SEC24C: variants seen among roughly 807,000 people sequenced by gnomAD.
The protein encoded by SEC24C is SEC24 homolog C, COPII component, also known as protein transport protein Sec24C.
SEC24C carries 22 observed loss-of-function variants against 117.0 expected under a neutral mutation model. The ratio of observed to expected loss-of-function variants is 0.19; its 90% confidence interval spans 0.13 to 0.27. The LOEUF (loss-of-function observed/expected upper bound fraction) is 0.27, where lower values mean the gene tolerates loss of function less well. Among genes scored for constraint, SEC24C ranks in the 10% least tolerant of loss-of-function variants. The pLI, the probability that SEC24C is intolerant of heterozygous loss-of-function variation, is 1.00. For synonymous variants in SEC24C, 506 were observed against 529.4 expected (o/e 0.96, Z 0.61); for missense variants, 1,155 against 1,375.1 (o/e 0.84, Z 2.53).
At chr10:73,749,926 G>A (rs554495732) in intron 2 of SEC24C, among the ~76,000 whole-genome samples, 66 of 152,294 alleles carry the variant, frequency 4.3e-4, no homozygotes, top group Non-Finnish European at 8.8e-4. Flanking sequence ...GTAGATCTTT[G>A]CTTAGGCTAG....
chr10:73,751,228 C>T lies in SEC24C; in HGVS notation c.293C>T (p.Thr98Ile). The change falls in exon 3 of 23, where the codon ACT becomes ATT. Residue 98 changes from threonine (T) to isoleucine (I), a missense_variant. Physicochemically the swap from Thr to Ile is moderately conservative, Grantham distance 89 (BLOSUM62 -1). This residue lies in a region of SEC24C where 396 missense variants were observed against 382.8 expected (regional missense o/e 1.03). Coordinates refer to ENST00000345254, the MANE Select transcript of SEC24C (RefSeq NM_198597.3). ...GATGTACAGAATGGGCCAAGCTCCA[C>T]TGTTCAGATGCAAAGGTAGGTACTT... ...QGDVQNGPSS[T>I]VQMQRLPGSQ... The T allele has an allele frequency of 6.2e-7, 1 of 1,614,022 alleles. No homozygotes were observed. Among genetic ancestry groups the T allele is most frequent in the Non-Finnish European group, 8.5e-7 (1 of 1,179,926 alleles).
rs987303809 is a variant in SEC24C at position 73,766,001 on chromosome 10, T to G, written c.1483-85T>G. The G allele has an allele frequency of 5.7e-6, 9 of 1,590,582 alleles. No homozygotes were observed. In the Admixed American group the frequency reaches 1.2e-4, roughly 21 times the overall value. Reference sequence around the variant, plus strand: ...CTGTTATCATTTCCCTCACCCCTTTTTTGTCCCTTTTTGATGCTGACTTCT... The same window carrying G: ...CTGTTATCATTTCCCTCACCCCTTTGTTGTCCCTTTTTGATGCTGACTTCT... On this transcript the variant is annotated intron_variant, in intron 10 of 22. Transcript: ENST00000345254.
chr10:73,768,730 G>C, intron 15 of SEC24C, 80 bp from the exon 16 acceptor site: 1 of 1,313,576 alleles, frequency 7.6e-7, no homozygotes, highest in African/African-American at 1.4e-5. Context: ...GCCTTGTAGA[G>C]TGGAAGGGGT....
Position 73,771,462 on chromosome 10 carries a change from A to G in SEC24C, c.*367A>G, listed in dbSNP as rs1420440396. 1 of 217,970 alleles carries G rather than the reference A, an allele frequency of 4.6e-6. No individual in the cohort carries two copies. Among genetic ancestry groups the G allele is most frequent in the Non-Finnish European group, 9.3e-6 (1 of 107,854 alleles). The allele number at this position is 217,970 out of a possible 1,614,324, so 13.5% of individuals were successfully genotyped here. ...AAGAGGAGAGGGGCAGGCAGGAAAGAGTGGGGATCCTAAGGTTACTACAGG... is the reference window on the plus strand; with the variant it reads ...AAGAGGAGAGGGGCAGGCAGGAAAGGGTGGGGATCCTAAGGTTACTACAGG... On this transcript the variant is annotated 3_prime_UTR_variant, in exon 23 of 23. Transcript: ENST00000345254.
In SEC24C at chr10:73,760,251, C is replaced by A; in HGVS notation, c.715C>A (p.Pro239Thr). The change falls in exon 5 of 23, where the codon CCC becomes ACC. Residue 239 changes from proline to threonine, a missense_variant. By Grantham distance (38) the Pro-to-Thr change is conservative. Around this residue, in one of 2 missense-constraint regions of SEC24C, gnomAD observed 396 missense variants for 382.8 expected, o/e 1.03. Coordinates refer to ENST00000345254, the MANE Select transcript of SEC24C (RefSeq NM_198597.3). ...CCTGCCTGGACAGAGTTTTGGAGGG[C>A]CCTCAGTGAGCCAGCCCAACCATGT... Reference protein sequence around the residue: ...PLLPGQSFGGPSVSQPNHVSS... With the variant: ...PLLPGQSFGGTSVSQPNHVSS... The A allele has an allele frequency of 6.2e-7, 1 of 1,614,106 alleles. No individual in the cohort carries two copies. Among genetic ancestry groups the A allele is most frequent in the Non-Finnish European group, 8.5e-7 (1 of 1,180,022 alleles).
chr10:73,758,732 A>G (rs2082750435), intron 3 of SEC24C, among the ~76,000 whole-genome samples: 1 of 152,214 alleles, frequency 6.6e-6, no homozygotes, highest in South Asian at 2.1e-4. Context: ...TGTAGTGTAT[A>G]TTAGTACTCC....
At position 73,760,733 on chromosome 10, in the gene SEC24C, G is replaced by C. The variant is rs780533420; in HGVS notation, c.871G>C (p.Gly291Arg). 1.7e-5 allele frequency: 27 copies of C among 1,610,650 alleles called. No homozygotes were observed. The highest frequency in any genetic ancestry group is 2.1e-5 in the Non-Finnish European group (25 of 1,178,686). ...CTCAGGTTCCTTCGGACCAGCCCGG[G>C]GCCCTCAGTCTAATTATGGAGGCCC... ...QQNGSFGPAR[G>R]PQSNYGGPYP... The change falls in exon 6 of 23, where the codon GGC (glycine) becomes CGC (arginine). Residue 291 changes from glycine (G) to arginine (R), a missense_variant. Gly to Arg is a moderately radical substitution (Grantham distance 125). This residue lies in a region of SEC24C where 396 missense variants were observed against 382.8 expected (regional missense o/e 1.03). Transcript: ENST00000345254.
Position 73,759,689 on chromosome 10 carries a change from C to G in SEC24C, c.376C>G (p.Pro126Ala), listed in dbSNP as rs2082764796. 3 of 1,605,782 alleles carry G rather than the reference C, an allele frequency of 1.9e-6. No individual in the cohort carries two copies. The African/African-American group carries it at 4.0e-5, about 22-fold the overall frequency. ...GGGCAACCAGCCACCTGTGCTTCAGCCCTATGGCCCTCCCCCGACAAGTGC... is the reference window on the plus strand; with the variant it reads ...GGGCAACCAGCCACCTGTGCTTCAGGCCTATGGCCCTCCCCCGACAAGTGC... ...PVGNQPPVLQ[P>A]YGPPPTSAQV... Residue 126 changes from proline (P) to alanine (A), a missense_variant, in exon 4 of 23, where the codon CCC becomes GCC. Physicochemically the swap from Pro to Ala is conservative, Grantham distance 27 (BLOSUM62 -1). This residue lies in a region of SEC24C where 396 missense variants were observed against 382.8 expected (regional missense o/e 1.03). Coordinates refer to ENST00000345254, the MANE Select transcript of SEC24C (RefSeq NM_198597.3).
chr10:73,760,895 A>G, intron 6 of SEC24C, 46 bp downstream of exon 6: 1 of 1,541,758 alleles, frequency 6.5e-7, no homozygotes, highest in Admixed American at 2.1e-5. Context: ...TGTGTCTGCC[A>G]GATAGGCAGG....
chr10:73,766,155 G>A lies in SEC24C; in HGVS notation c.1552G>A (p.Gly518Ser). The change falls in exon 11 of 23, where the codon GGT (glycine) becomes AGT (serine). Residue 518 changes from glycine to serine, a missense_variant. Gly to Ser is a moderately conservative substitution (Grantham distance 56). Transcript: ENST00000345254. ...CGTCTCCTACAATGCCATCAGGACT[G>A]GTCTTGTTAGGCTCCTCTGTGAGGA... is the stretch of plus-strand genomic sequence containing the variant. ...IDVSYNAIRT[G>S]LVRLLCEELK... The A allele has an allele frequency of 6.2e-7, 1 of 1,613,892 alleles. No homozygotes were observed. The highest frequency in any genetic ancestry group is 8.5e-7 in the Non-Finnish European group (1 of 1,179,974).
chr10:73,744,718 G>A (rs1335846846), intron 1 of SEC24C, among the ~76,000 whole-genome samples: 3 of 152,068 alleles, frequency 2.0e-5, no homozygotes, highest in African/African-American at 7.2e-5. Flanking sequence ...TCTTAACGTG[G>A]CCCTAGAAGC....
chr10:73,765,459 G>A lies in SEC24C; in HGVS notation c.1236G>A (p.Pro412=), dbSNP rs112718754. Residue 412 remains proline, a synonymous_variant, in exon 9 of 23, where the codon CCG becomes CCA. Coordinates refer to ENST00000345254, the MANE Select transcript of SEC24C (RefSeq NM_198597.3). Reference sequence around the variant, plus strand: ...TCCCCTTTGCGCCTTAGGCTTCACCGTATGTTGTGGACCATGGGGAATCTG... The same window carrying A: ...TCCCCTTTGCGCCTTAGGCTTCACCATATGTTGTGGACCATGGGGAATCTG... ...LARLPPEEAS[P]YVVDHGESGP... 1.2e-4 allele frequency: 190 copies of A among 1,611,590 alleles called. No individual in the cohort carries two copies. The highest frequency in any genetic ancestry group is 1.5e-4 in the Non-Finnish European group (172 of 1,177,852).
At position 73,767,044 on chromosome 10, in the gene SEC24C, T is replaced by C. The variant is rs1255906586; in HGVS notation, c.1894-10T>C. 5.0e-6 allele frequency: 8 copies of C among 1,604,920 alleles called. No homozygotes were observed. In the African/African-American group the frequency reaches 1.1e-4, roughly 22 times the overall value. ...AAAGAATAAACAAGTAGTCCTCTCT[T>C]TTTTCCTAGGCTGCTGAGTGTGCAG... On this transcript the variant is annotated splice_polypyrimidine_tract_variant and intron_variant, in intron 13 of 22. Transcript: ENST00000345254.
intron 21 of SEC24C, 70 bp from the exon 22 acceptor site, chr10:73,770,639 A>G: frequency 1.3e-6 from 2 of 1,550,856 alleles, no homozygotes; most frequent in Non-Finnish European, 1.8e-6. Flanking sequence ...TGATGCATAC[A>G]TGTATGCTGC....
At chr10:73,751,025 A>G (rs2082634713) in intron 2 of SEC24C, 83 bp from the exon 3 acceptor site, 2 of 1,492,444 alleles carry the variant, frequency 1.3e-6, no homozygotes, top group Non-Finnish European at 1.8e-6. Flanking sequence ...GTCTGAGTTT[A>G]TTGATCCTTG....
chr10:73,756,066 G>A (rs774944031), intron 3 of SEC24C, among the ~76,000 whole-genome samples: 13 of 152,062 alleles, frequency 8.5e-5, no homozygotes, highest in Non-Finnish European at 1.3e-4. Flanking sequence ...TGGCCAGGCT[G>A]GTCTCAAACT....
intron 3 of SEC24C, among the ~76,000 whole-genome samples, chr10:73,755,593 C>T (rs1049412815): frequency 1.1e-4 from 17 of 151,590 alleles, no homozygotes; most frequent in Non-Finnish European, 2.2e-4. Context: ...AGGAGAATGG[C>T]GTGAACCCAG....
At chr10:73,768,049 G>C in intron 15 of SEC24C, 42 bp downstream of exon 15, 2 of 1,576,402 alleles carry the variant, frequency 1.3e-6, no homozygotes, top group Non-Finnish European at 1.7e-6. Flanking sequence ...AGCAGGGCTG[G>C]GAATATCTGC....
chr10:73,751,890 GA>G (rs1350858855), intron 3 of SEC24C: 1 of 152,170 alleles, frequency 6.6e-6, no homozygotes, highest in Non-Finnish European at 1.5e-5. Flanking sequence ...ATGGGAAGAG[GA>G]AACTTCAGGA....
Sources: gnomAD v4.1 joint callset for allele counts (sites outside exome capture counted in the v4.1 genomes callset) on GRCh38, gnomAD v4.1.1 for gene constraint, gnomAD v4.1.1 regional missense constraint, MANE v1.5 for transcripts, NCBI Gene and HGNC (gene_info 2026-07-23, HGNC 2026-07-21) for gene names.